EYS: variants seen among roughly 807,000 people sequenced by gnomAD.
EYS encodes the protein EGF-like photoreceptor maintenance factor, also known as protein eyes shut homolog.
In EYS, 250 loss-of-function variants were observed where a neutral mutation model predicts 282.1. The ratio of observed to expected loss-of-function variants is 0.89; its 90% confidence interval spans 0.80 to 0.98. EYS has a LOEUF of 0.98. EYS is among the 50% of genes least tolerant of loss of function. The pLI is 0.00. For synonymous variants in EYS, 1,355 were observed against 1,282.9 expected (o/e 1.06, Z -1.20); for missense variants, 4,016 against 3,709.0 (o/e 1.08, Z -2.15).
At chr6:64,000,005 C>T (rs1161013052) in intron 33 of EYS, among the ~76,000 whole-genome samples, 3 of 152,002 alleles carry the variant, frequency 2.0e-5, no homozygotes, top group Non-Finnish European at 2.9e-5. Flanking sequence ...CTGATATTAA[C>T]AGTGGCTGTT....
chr6:65,533,234 A>G (rs1767846234), intron 2 of EYS, among the ~76,000 whole-genome samples: 1 of 152,174 alleles, frequency 6.6e-6, no homozygotes, highest in South Asian at 2.1e-4. Context: ...AAAACCTATA[A>G]GAAATGGATA....
chr6:65,628,396 C>A (rs894356325), intron 2 of EYS, among the ~76,000 whole-genome samples: 1 of 152,192 alleles, frequency 6.6e-6, no homozygotes, highest in Non-Finnish European at 1.5e-5. Context: ...CACCAATCAG[C>A]AGGATGTGGG....
intron 31 of EYS, among the ~76,000 whole-genome samples, chr6:64,104,810 C>G (rs1173413441): frequency 6.7e-6 from 1 of 149,506 alleles, no homozygotes; most frequent in East Asian, 2.0e-4. Flanking sequence ...TGCAGCATTC[C>G]CACTAATCCT....
In EYS at chr6:65,070,171, G is replaced by A. The variant is rs149781779; in HGVS notation, c.2024-12444C>T. Among the ~76,000 whole-genome samples, 133 of 151,914 alleles carry A rather than the reference G, an allele frequency of 8.8e-4. No homozygotes were observed. In the East Asian group the frequency reaches 0.013, roughly 15 times the overall value. On this transcript the variant is annotated intron_variant, in intron 12 of 42. Transcript: ENST00000503581. The stretch of plus-strand genomic sequence containing the variant: ...ATCTCCCTTCCATTACAAAAACAGC[G>A]TTCTAAGTGGCTTTCCTGCTTTGGG...
chr6:64,249,835 A>C (rs1325987806), intron 30 of EYS, among the ~76,000 whole-genome samples: 2 of 152,170 alleles, frequency 1.3e-5, no homozygotes, highest in Admixed American at 1.3e-4. Flanking sequence ...CTACCCCTTC[A>C]ATGTCCTTCC....
intron 2 of EYS, among the ~76,000 whole-genome samples, chr6:65,547,637 G>T (rs1768442161): frequency 2.0e-5 from 3 of 151,964 alleles, no homozygotes; most frequent in Admixed American, 1.3e-4. Context: ...TGAAAAAGTT[G>T]TATTTATGCA....
At chr6:64,162,633 G>A (rs1410344685) in intron 31 of EYS, among the ~76,000 whole-genome samples, 1 of 152,102 alleles carries the variant, frequency 6.6e-6, no homozygotes, top group Non-Finnish European at 1.5e-5. Context: ...CCAATCAGAG[G>A]AAGGAAAGCA....
intron 35 of EYS, among the ~76,000 whole-genome samples, chr6:63,919,556 G>T (rs942473077): frequency 5.9e-5 from 9 of 152,262 alleles, no homozygotes; most frequent in Admixed American, 5.9e-4. Flanking sequence ...GGCATAAAAT[G>T]ATATTAAACT....
At chr6:65,249,591 G>C (rs1298134150) in intron 12 of EYS, among the ~76,000 whole-genome samples, 1 of 149,472 alleles carries the variant, frequency 6.7e-6, no homozygotes, top group Non-Finnish European at 1.5e-5. Context: ...ACACTATCAA[G>C]AAAAGAAAAA....
chr6:65,476,502 A>G (rs552280217), intron 5 of EYS, among the ~76,000 whole-genome samples: 30 of 152,264 alleles, frequency 2.0e-4, no homozygotes, highest in Middle Eastern at 3.4e-3. Flanking sequence ...GCATAATTTG[A>G]GTTCAAAATA....
intron 5 of EYS, among the ~76,000 whole-genome samples, chr6:65,425,157 T>C (rs998031024): frequency 2.0e-5 from 3 of 152,132 alleles, no homozygotes; most frequent in African/African-American, 7.2e-5. Flanking sequence ...TTAGTTATTC[T>C]TTCAACAGGG....
chr6:64,528,402 C>CT (rs1196655855), intron 26 of EYS, among the ~76,000 whole-genome samples: 1 of 151,710 alleles, frequency 6.6e-6, no homozygotes, highest in African/African-American at 2.4e-5. Context: ...TTCTTCTATT[C>CT]TTTTTTCTCC....
At chr6:65,309,732 A>G in intron 11 of EYS, among the ~76,000 whole-genome samples, 1 of 152,144 alleles carries the variant, frequency 6.6e-6, no homozygotes, top group East Asian at 1.9e-4. Flanking sequence ...AATAGCAACC[A>G]AGCTTCCCGG....
intron 19 of EYS, among the ~76,000 whole-genome samples, chr6:64,832,357 A>G (rs1765248945): frequency 6.6e-6 from 1 of 151,918 alleles, no homozygotes; most frequent in Admixed American, 6.6e-5. Context: ...ATTAAAATAA[A>G]CACTGCATGA....
intron 14 of EYS, among the ~76,000 whole-genome samples, chr6:64,979,066 T>C (rs572940449): frequency 5.9e-5 from 9 of 151,840 alleles, no homozygotes; most frequent in Non-Finnish European, 1.3e-4. Flanking sequence ...TTACTTCAAC[T>C]TAAAACAAGT....
intron 26 of EYS, among the ~76,000 whole-genome samples, chr6:64,572,694 C>T (rs1476261568): frequency 6.6e-6 from 1 of 152,040 alleles, no homozygotes; most frequent in African/African-American, 2.4e-5. Context: ...TAATAAAATA[C>T]CTAGGAATCC....
chr6:64,419,702 T>C (rs1240344823), intron 28 of EYS, among the ~76,000 whole-genome samples: 1 of 152,360 alleles, frequency 6.6e-6, no homozygotes, highest in East Asian at 1.9e-4. Context: ...TTTGAAGCCA[T>C]GTCTCACATC....
At chr6:65,352,198 T>C (rs1764305010) in intron 9 of EYS, among the ~76,000 whole-genome samples, 1 of 151,844 alleles carries the variant, frequency 6.6e-6, no homozygotes, top group Non-Finnish European at 1.5e-5. Context: ...AATTATCATG[T>C]TTTCTGTTTA....
chr6:65,195,479 CAT>C (rs1370592207), intron 12 of EYS, among the ~76,000 whole-genome samples: 1 of 151,960 alleles, frequency 6.6e-6, no homozygotes, highest in African/African-American at 2.4e-5. Context: ...ATTTCATTGT[CAT>C]ATTGCATACT....
Sources: gnomAD v4.1 joint callset for allele counts (sites outside exome capture counted in the v4.1 genomes callset) on GRCh38, gnomAD v4.1.1 for gene constraint, MANE v1.5 for transcripts, NCBI Gene and HGNC (gene_info 2026-07-23, HGNC 2026-07-21) for gene names.